CLPB: variants seen among roughly 807,000 people sequenced by gnomAD.
CLPB encodes mitochondrial disaggregase.
CLPB carries 40 observed loss-of-function variants against 78.4 expected under a neutral mutation model. That is an observed-to-expected ratio of 0.51 (90% CI 0.40 to 0.66). The LOEUF (loss-of-function observed/expected upper bound fraction) is 0.66, where lower values mean the gene tolerates loss of function less well. CLPB is among the 30% of genes least tolerant of loss of function. The probability of loss-of-function intolerance (pLI) is 0.00; values close to 1 mark genes in which losing one functional copy is unlikely to be tolerated. For synonymous variants in CLPB, 333 were observed against 348.0 expected (o/e 0.96, Z 0.48); for missense variants, 780 against 886.9 (o/e 0.88, Z 1.53).
chr11:72,300,522 G>C (rs1389123055), intron 11 of CLPB, among the ~76,000 whole-genome samples: 2 of 152,176 alleles, frequency 1.3e-5, no homozygotes, highest in Admixed American at 1.3e-4. Flanking sequence ...CAGAGGTTCA[G>C]GGGCAGGGAG....
intron 3 of CLPB, among the ~76,000 whole-genome samples, chr11:72,398,071 C>T (rs1855459649): frequency 6.6e-6 from 1 of 152,218 alleles, no homozygotes; most frequent in South Asian, 2.1e-4. Context: ...TCTGCACCTC[C>T]CAAAGCCCTG....
At chr11:72,378,606 G>A (rs1181254047) in intron 4 of CLPB, among the ~76,000 whole-genome samples, 1 of 152,152 alleles carries the variant, frequency 6.6e-6, no homozygotes, top group African/African-American at 2.4e-5. Context: ...ATTTGAATAG[G>A]GATACAGCCA....
At chr11:72,382,422 C>T (rs2135681766) in intron 3 of CLPB, among the ~76,000 whole-genome samples, 1 of 152,348 alleles carries the variant, frequency 6.6e-6, no homozygotes, top group East Asian at 1.9e-4. Flanking sequence ...CTAACCATTC[C>T]CTGCAGATTC....
At chr11:72,372,793 G>A in intron 4 of CLPB, 1 of 770,592 alleles carries the variant, frequency 1.3e-6, no homozygotes, top group Non-Finnish European at 2.3e-6. Context: ...TCTCTGCTAT[G>A]CTTGGGTTAG....
At chr11:72,332,271 C>A (rs886807480) in intron 5 of CLPB, among the ~76,000 whole-genome samples, 1 of 150,792 alleles carries the variant, frequency 6.6e-6, no homozygotes, top group African/African-American at 2.4e-5. Flanking sequence ...TCACTTGAGG[C>A]CAGGAGTTCG....
chr11:72,293,557 C>A lies in CLPB; in HGVS notation c.1844G>T (p.Gly615Val), dbSNP rs1247332355. ...AAAYEQDLLPGGCTLRITVED... is the reference protein window; with the variant it reads ...AAAYEQDLLPVGCTLRITVED... ...CACCGTGATGCGCAAAGTACAGCCC[C>A]CTGGCAGCAGGTCCTGCTCATAGGC... The change falls in exon 16 of 16, where the codon GGG becomes GTG. Residue 615 changes from glycine to valine, a missense_variant. Coordinates refer to ENST00000538039, the MANE Select transcript of CLPB (RefSeq NM_001258392.3). 15 of 1,613,914 alleles carry A rather than the reference C, an allele frequency of 9.3e-6. No individual in the cohort carries two copies. Among genetic ancestry groups the A allele is most frequent in the Non-Finnish European group, 1.3e-5 (15 of 1,179,984 alleles).
intron 6 of CLPB, among the ~76,000 whole-genome samples, chr11:72,321,983 C>T (rs1267508444): frequency 6.6e-6 from 1 of 151,658 alleles, no homozygotes. Context: ...GTGGGGATGA[C>T]GATGGAGAAA....
intron 6 of CLPB, among the ~76,000 whole-genome samples, chr11:72,328,517 G>A (rs1950168144): frequency 6.6e-6 from 1 of 152,162 alleles, no homozygotes; most frequent in African/African-American, 2.4e-5. Context: ...GGCAGTGAGT[G>A]GTGAAGCTAG....
intron 2 of CLPB, among the ~76,000 whole-genome samples, chr11:72,405,145 AAGAAGGGG>A (rs1453017189): frequency 9.2e-5 from 14 of 152,184 alleles, no homozygotes; most frequent in African/African-American, 3.4e-4. Context: ...TTGTGTCTTG[AAGAAGGGG>A]AAGAGTTTAG....
At chr11:72,376,194 G>C (rs1400923395) in intron 4 of CLPB, among the ~76,000 whole-genome samples, 1 of 152,116 alleles carries the variant, frequency 6.6e-6, no homozygotes, top group Non-Finnish European at 1.5e-5. Context: ...TCATGCAAAA[G>C]TCAATGCAAT....
At chr11:72,412,960 T>G (rs1489884130) in intron 2 of CLPB, among the ~76,000 whole-genome samples, 2 of 151,972 alleles carry the variant, frequency 1.3e-5, no homozygotes, top group East Asian at 3.8e-4. Flanking sequence ...TATAGAACAG[T>G]TACAAAAATC....
intron 4 of CLPB, among the ~76,000 whole-genome samples, chr11:72,367,289 G>A (rs1281836843): frequency 6.6e-6 from 1 of 152,112 alleles, no homozygotes; most frequent in African/African-American, 2.4e-5. Context: ...TCAGCCTCCC[G>A]AGTAGCTGGG....
rs371287044 is a variant in CLPB, at chr11:72,370,460, T to C, written c.646+9821A>G. ...GAACCAGCACTATGGAGAAATGACA[T>C]GTAGAAACATTGGCCATGGAGTGTG... On this transcript the variant is annotated intron_variant, in intron 4 of 15. Transcript: ENST00000538039. Among the ~76,000 whole-genome samples the C allele has an allele frequency of 3.9e-5, 6 of 152,154 alleles. No individual in the cohort carries two copies. The East Asian group carries it at 7.7e-4, about 20-fold the overall frequency.
chr11:72,345,916 G>T (rs1950504232), intron 5 of CLPB, among the ~76,000 whole-genome samples: 1 of 152,116 alleles, frequency 6.6e-6, no homozygotes, highest in Non-Finnish European at 1.5e-5. Flanking sequence ...CAGTGGCATG[G>T]GTAAAGCAGT....
Position 72,295,620 on chromosome 11 carries a change from G to A in CLPB, c.1358C>T (p.Thr453Ile). The A allele has an allele frequency of 9.3e-6, 15 of 1,614,078 alleles. No individual in the cohort carries two copies. Among genetic ancestry groups the A allele is most frequent in the African/African-American group, 1.3e-5 (1 of 75,058 alleles). ...EGRLTDGKGK[T>I]IDCKDAIFIM... ...GAAGATGGCGTCCTTGCAATCAATG[G>A]TCTTCCCTTTTCCATCTGTCAGCCG... Residue 453 changes from threonine to isoleucine, a missense_variant, in exon 12 of 16, where the codon ACC (threonine) becomes ATC (isoleucine). Physicochemically the swap from Thr to Ile is moderately conservative, Grantham distance 89. Around this residue, in one of 3 missense-constraint regions of CLPB, gnomAD observed 272 missense variants for 304.0 expected, o/e 0.89. Transcript: ENST00000538039.
At chr11:72,313,313 G>T (rs1333241524) in intron 7 of CLPB, among the ~76,000 whole-genome samples, 1 of 152,188 alleles carries the variant, frequency 6.6e-6, no homozygotes, top group Non-Finnish European at 1.5e-5. Context: ...GGATACTGAT[G>T]CCTTGGGTTT....
intron 2 of CLPB, among the ~76,000 whole-genome samples, chr11:72,419,339 G>GCAAT: frequency 6.6e-6 from 1 of 152,350 alleles, no homozygotes; most frequent in Non-Finnish European, 1.5e-5. Flanking sequence ...TAGGCCCTGA[G>GCAAT]CGATTACAGC....
chr11:72,337,272 T>C, intron 5 of CLPB: 1 of 395,860 alleles, frequency 2.5e-6, no homozygotes, highest in Middle Eastern at 5.8e-4. Context: ...TACACAGACA[T>C]TCACACTTGC....
intron 2 of CLPB, chr11:72,408,294 A>C: frequency 1.1e-6 from 1 of 930,912 alleles, no homozygotes; most frequent in East Asian, 2.6e-5. Context: ...TGTGAAATGG[A>C]AGATATTAAT....
Sources: gnomAD v4.1 joint callset for allele counts (sites outside exome capture counted in the v4.1 genomes callset) on GRCh38, gnomAD v4.1.1 for gene constraint, gnomAD v4.1.1 regional missense constraint, MANE v1.5 for transcripts, NCBI Gene and HGNC (gene_info 2026-07-23, HGNC 2026-07-21) for gene names.